COG5: variants seen among roughly 807,000 people sequenced by gnomAD.
The protein encoded by COG5 is conserved oligomeric Golgi complex subunit 5.
In COG5, 86 loss-of-function variants were observed where a neutral mutation model predicts 110.4. The ratio of observed to expected loss-of-function variants is 0.78; its 90% confidence interval spans 0.65 to 0.93. The LOEUF (loss-of-function observed/expected upper bound fraction) is 0.93. Ranked by LOEUF, COG5 falls within the 40% of genes least tolerant of loss-of-function variation. COG5 has a pLI of 0.00. For synonymous variants in COG5, 360 were observed against 334.6 expected (o/e 1.08, Z -0.83); for missense variants, 1,077 against 987.0 (o/e 1.09, Z -1.22).
At chr7:107,554,263 C>G (rs1431912631) in intron 3 of COG5, 22 bp downstream of exon 3, 2 of 1,607,736 alleles carry the variant, frequency 1.2e-6, no homozygotes, top group African/African-American at 1.3e-5. Context: ...TACATAATCT[C>G]TAGCAGTTAT....
intron 5 of COG5, among the ~76,000 whole-genome samples, chr7:107,546,856 A>G (rs949716051): frequency 6.6e-5 from 10 of 152,332 alleles, no homozygotes; most frequent in Non-Finnish European, 1.0e-4. Context: ...ACAGATCAAT[A>G]GTGAGTACAG....
intron 6 of COG5, 37 bp from the exon 7 acceptor site, chr7:107,412,669 A>C: frequency 7.9e-7 from 1 of 1,265,978 alleles, no homozygotes; most frequent in Non-Finnish European, 1.1e-6. Flanking sequence ...CAAATATTTC[A>C]ATACTGAATA....
intron 17 of COG5, among the ~76,000 whole-genome samples, chr7:107,244,926 G>T (rs973798689): frequency 3.9e-5 from 6 of 152,070 alleles, no homozygotes; most frequent in African/African-American, 1.4e-4. Context: ...GGAGGAAGAG[G>T]GGCTCCTCCC....
At chr7:107,215,833 C>T (rs747537561) in intron 19 of COG5, among the ~76,000 whole-genome samples, 18 of 151,344 alleles carry the variant, frequency 1.2e-4, no homozygotes, top group African/African-American at 2.4e-4. Context: ...CCTCAGCCTA[C>T]GGAGTAGCTG....
intron 6 of COG5, among the ~76,000 whole-genome samples, chr7:107,425,175 G>A (rs1163674731): frequency 6.6e-6 from 1 of 151,908 alleles, no homozygotes; most frequent in Non-Finnish European, 1.5e-5. Flanking sequence ...GAAAAACACA[G>A]TGACTACTTC....
rs906153457 is a variant in COG5 at position 107,406,764 on chromosome 7, T to A, written c.669+5738A>T. Among the ~76,000 whole-genome samples the A allele has an allele frequency of 2.0e-5, 3 of 152,210 alleles. No homozygotes were observed. The East Asian group carries it at 5.8e-4, about 29-fold the overall frequency. On this transcript the variant is annotated intron_variant, in intron 7 of 21. Coordinates refer to ENST00000297135, the MANE Select transcript of COG5 (RefSeq NM_006348.5). Reference sequence around the variant, plus strand: ...GTTTCCCTTCTAGAATTACTTGGTTTGAGTCCCATGACTCTAAAATATGAT... The same window carrying A: ...GTTTCCCTTCTAGAATTACTTGGTTAGAGTCCCATGACTCTAAAATATGAT...
chr7:107,386,943 T>C (rs1257249193), intron 7 of COG5, among the ~76,000 whole-genome samples: 1 of 152,156 alleles, frequency 6.6e-6, no homozygotes, highest in East Asian at 1.9e-4. Context: ...AGCCCCACTA[T>C]CACCGGGCCA....
At chr7:107,250,700 A>C (rs1360792046) in intron 16 of COG5, among the ~76,000 whole-genome samples, 1 of 152,124 alleles carries the variant, frequency 6.6e-6, no homozygotes, top group Non-Finnish European at 1.5e-5. Flanking sequence ...TGTAAAAAAA[A>C]AGTTATATTT....
At position 107,558,068 on chromosome 7, in the gene COG5, T is replaced by C; in HGVS notation, c.142A>G (p.Thr48Ala). The C allele has an allele frequency of 6.2e-7, 1 of 1,613,988 alleles. No individual in the cohort carries two copies. Among genetic ancestry groups the C allele is most frequent in the Non-Finnish European group, 8.5e-7 (1 of 1,179,938 alleles). Reference sequence around the variant, plus strand: ...ACAGCTTGATGAATAGATTGAGAAGTATAAGTCTTTACATCAAAGTCTTCG... The same window carrying C: ...ACAGCTTGATGAATAGATTGAGAAGCATAAGTCTTTACATCAAAGTCTTCG... ...LNEDFDVKTY[T>A]SQSIHQAVIA... Residue 48 changes from threonine (T) to alanine (A), a missense_variant, in exon 2 of 22, where the codon ACT becomes GCT. Physicochemically the swap from Thr to Ala is moderately conservative, Grantham distance 58. Transcript: ENST00000297135.
At chr7:107,420,885 C>G (rs1478930735) in intron 6 of COG5, among the ~76,000 whole-genome samples, 1 of 152,220 alleles carries the variant, frequency 6.6e-6, no homozygotes, top group African/African-American at 2.4e-5. Context: ...AGGCACTTCT[C>G]AGGACATGTT....
At chr7:107,407,803 G>A (rs1791968391) in intron 7 of COG5, among the ~76,000 whole-genome samples, 2 of 152,040 alleles carry the variant, frequency 1.3e-5, no homozygotes, top group Non-Finnish European at 2.9e-5. Flanking sequence ...AACATTAAAT[G>A]CAAACCACAG....
chr7:107,287,600 T>G (rs1805748110), intron 12 of COG5, among the ~76,000 whole-genome samples: 1 of 152,194 alleles, frequency 6.6e-6, no homozygotes, highest in South Asian at 2.1e-4. Flanking sequence ...TTTTATCACC[T>G]CAAAAAGAAA....
At chr7:107,389,939 A>G (rs1463159278) in intron 7 of COG5, among the ~76,000 whole-genome samples, 1 of 152,152 alleles carries the variant, frequency 6.6e-6, no homozygotes, top group Non-Finnish European at 1.5e-5. Flanking sequence ...TGCACTATCC[A>G]TCCATATGTT....
Position 107,474,282 on chromosome 7 carries a change from C to T in COG5, c.538+52955G>A, listed in dbSNP as rs754392912. 7 of 1,611,704 alleles carry T rather than the reference C, an allele frequency of 4.3e-6. No homozygotes were observed. Among genetic ancestry groups the T allele is most frequent in the Admixed American group, 1.7e-5 (1 of 59,922 alleles). The stretch of plus-strand genomic sequence containing the variant: ...ACTGCATGAAATCCAACTTAATCAA[C>T]TCTGTCAGTAACATTATTACAATGA... On this transcript the variant is annotated intron_variant, in intron 6 of 21. Coordinates refer to ENST00000297135, the MANE Select transcript of COG5 (RefSeq NM_006348.5). This position sits in a 1 kb window ranked among gnomAD's most constrained non-coding sequence, Gnocchi z 5.7.
chr7:107,249,771 C>CAAA (rs1802355418), intron 16 of COG5, among the ~76,000 whole-genome samples: 1 of 150,114 alleles, frequency 6.7e-6, no homozygotes, highest in South Asian at 2.1e-4. Flanking sequence ...TACAGGAGCT[C>CAAA]AGAGTCTAGT....
At chr7:107,341,001 T>C (rs1159182880) in intron 10 of COG5, among the ~76,000 whole-genome samples, 1 of 152,010 alleles carries the variant, frequency 6.6e-6, no homozygotes, top group African/African-American at 2.4e-5. Flanking sequence ...CAACTCCTAT[T>C]CAATATAGTA....
chr7:107,452,528 T>A (rs529092943), intron 6 of COG5, among the ~76,000 whole-genome samples: 2 of 152,264 alleles, frequency 1.3e-5, no homozygotes, highest in African/African-American at 4.8e-5. Flanking sequence ...TGAATAAGTC[T>A]CACAAGATCT....
chr7:107,503,403 A>G (rs1418391886), intron 6 of COG5, among the ~76,000 whole-genome samples: 1 of 152,116 alleles, frequency 6.6e-6, no homozygotes, highest in Non-Finnish European at 1.5e-5. Flanking sequence ...AACTGTATAC[A>G]GCCTTGTAGT....
intron 5 of COG5, among the ~76,000 whole-genome samples, chr7:107,533,335 A>G (rs1332865357): frequency 1.3e-5 from 2 of 151,680 alleles, no homozygotes; most frequent in African/African-American, 2.4e-5. Context: ...AATTGACAGA[A>G]GGAGACTTCA....
Sources: allele counts gnomAD v4.1 joint callset (sites outside exome capture counted in the v4.1 genomes callset), GRCh38; gene constraint gnomAD v4.1.1; non-coding constraint Gnocchi (gnomAD v3.1); transcripts MANE v1.5; gene names NCBI Gene and HGNC (gene_info 2026-07-23, HGNC 2026-07-21).